Variants in CCDC117 observed in about 807,000 individuals in gnomAD.
CCDC117 encodes the protein coiled-coil domain containing 117, also known as coiled-coil domain-containing protein 117.
A neutral mutation model predicts 23.5 loss-of-function variants in CCDC117; 1 was observed. The observed-to-expected ratio is 0.04, with a 90% CI of 0.02 to 0.20. The LOEUF (loss-of-function observed/expected upper bound fraction) is 0.20, where lower values mean the gene tolerates loss of function less well. Ranked by LOEUF, CCDC117 falls within the 10% of genes least tolerant of loss-of-function variation. CCDC117 has a pLI of 1.00. For missense variants in CCDC117, 383 were observed against 348.2 expected, an observed-to-expected ratio of 1.10 and a Z score of -0.80; for synonymous variants, 132 against 124.8, an observed-to-expected ratio of 1.06 and a Z score of -0.39.
rs945644354 is a variant in CCDC117, at chr22:28,772,734, G to A, written c.-116G>A. ...GGAGGGTTCTAGAAGGCGTGACGTG[G>A]GGTCGAGAGCGGGATCCGAGGCTGG... On this transcript the variant is annotated 5_prime_UTR_variant, in exon 1 of 5. Transcript: ENST00000249064. The A allele has an allele frequency of 2.9e-5, 23 of 798,482 alleles. No homozygotes were observed. The highest frequency in any genetic ancestry group is 1.1e-4 in the East Asian group (3 of 26,944). The allele number at this position is 798,482 out of a possible 1,614,324, so 49.5% of individuals were successfully genotyped here. A position where few individuals can be genotyped will look rare whatever the true frequency, so the allele number is the denominator to read the frequency against.
In CCDC117 at chr22:28,787,946, C is replaced by T. The variant is rs1369846105; in HGVS notation, c.*1620C>T. The T allele has an allele frequency of 2.0e-5, 3 of 152,600 alleles. No individual in the cohort carries two copies. The East Asian group carries it at 5.8e-4, about 29-fold the overall frequency. The allele number at this position is 152,600 out of a possible 1,614,324, so 9.5% of individuals were successfully genotyped here. A position where few individuals can be genotyped will look rare whatever the true frequency, so the allele number is the denominator to read the frequency against. On this transcript the variant is annotated 3_prime_UTR_variant, in exon 5 of 5. Transcript: ENST00000249064. The stretch of plus-strand genomic sequence containing the variant: ...CTTCTAGGCGTTTTTGGAACCCTTA[C>T]TGAAATCCCTCCCCTTGTTACAGAT...
chr22:28,785,408 A>G (rs1299008441), intron 4 of CCDC117, among the ~76,000 whole-genome samples: 1 of 151,522 alleles, frequency 6.6e-6, no homozygotes, highest in Non-Finnish European at 1.5e-5. Flanking sequence ...GGCTGGTTGC[A>G]AACTCCTGGG....
intron 4 of CCDC117, among the ~76,000 whole-genome samples, chr22:28,784,864 G>A (rs1197471387): frequency 2.0e-5 from 3 of 152,016 alleles, no homozygotes; most frequent in East Asian, 1.9e-4. Flanking sequence ...TCCGCCTCCC[G>A]GGTTCACGCC....
rs67314143 is a variant in CCDC117 at position 28,774,070 on chromosome 22, G to GTT, written c.239+306_239+307dup. Among the ~76,000 whole-genome samples, 339 of 126,084 alleles carry GTT rather than the reference G, an allele frequency of 2.7e-3. 2 individuals carry two copies. Among genetic ancestry groups the GTT allele is most frequent in the East Asian group, 9.5e-3 (42 of 4,410 alleles). The allele number at this position is 126,084 out of a possible 152,430, so 82.7% of individuals were successfully genotyped here. On this transcript the variant is annotated intron_variant, in intron 2 of 4. Transcript: ENST00000249064. ...ATACATATTGAAAAGTTTTGTTTTT[G>GTT]TTTTTTTTTTTTTTTGGGACGGAGT...
At position 28,781,130 on chromosome 22, in the gene CCDC117, A is replaced by C. The variant is rs1457123626; in HGVS notation, c.422A>C (p.Gln141Pro). 2.5e-6 allele frequency: 4 copies of C among 1,613,936 alleles called. No individual in the cohort carries two copies. In the South Asian group the frequency reaches 4.4e-5, roughly 18 times the overall value. ...EEMDQTTGEP[Q>P]CEVARRKLQE... is the part of the protein sequence containing the mutation. ...ATGGATCAGACAACTGGAGAACCAC[A>C]GTGTGAAGTTGCCCGAAGGAAGCTT... Residue 141 changes from glutamine to proline, a missense_variant, in exon 3 of 5, where the codon CAG becomes CCG. Transcript: ENST00000249064.
intron 2 of CCDC117, among the ~76,000 whole-genome samples, chr22:28,779,117 G>A (rs927234700): frequency 2.0e-5 from 3 of 152,024 alleles, no homozygotes; most frequent in Non-Finnish European, 2.9e-5. Flanking sequence ...CACACACCAC[G>A]ACACTCGCCT....
intron 3 of CCDC117, among the ~76,000 whole-genome samples, chr22:28,782,685 C>T (rs943055850): frequency 6.6e-6 from 1 of 152,162 alleles, no homozygotes; most frequent in Non-Finnish European, 1.5e-5. Flanking sequence ...GGTCCGCCTG[C>T]CTCTGCCTCC....
At chr22:28,777,132 G>A (rs1224591806) in intron 2 of CCDC117, among the ~76,000 whole-genome samples, 1 of 146,442 alleles carries the variant, frequency 6.8e-6, no homozygotes, top group Non-Finnish European at 1.5e-5. Context: ...TCTGCCTCCC[G>A]TGTTCAAGTG....
intron 2 of CCDC117, among the ~76,000 whole-genome samples, chr22:28,776,968 C>A (rs1272719875): frequency 6.6e-6 from 1 of 151,868 alleles, no homozygotes; most frequent in African/African-American, 2.4e-5. Context: ...AATCTGCCCG[C>A]CTTGGCCTTC....
Position 28,786,196 on chromosome 22 carries a change from C to G in CCDC117, c.710C>G (p.Ala237Gly). 1 of 1,614,098 alleles carries G rather than the reference C, an allele frequency of 6.2e-7. No individual in the cohort carries two copies. The highest frequency in any genetic ancestry group is 1.1e-5 in the South Asian group (1 of 91,082). The change falls in exon 5 of 5, where the codon GCT becomes GGT. Residue 237 changes from alanine to glycine, a missense_variant. Ala to Gly is a moderately conservative substitution (Grantham distance 60). Transcript: ENST00000249064. ...NTKNYTGESQ[A>G]KHVAAGTAFP... is the part of the protein sequence containing the mutation. ...AAGAACTATACAGGAGAGAGCCAAG[C>G]TAAGCATGTAGCTGCTGGCACTGCC...
chr22:28,780,989 G>C lies in CCDC117; in HGVS notation c.281G>C (p.Cys94Ser). The change falls in exon 3 of 5, where the codon TGT (cysteine) becomes TCT (serine). Residue 94 changes from cysteine (C) to serine (S), a missense_variant. By Grantham distance (112) the Cys-to-Ser change is moderately radical (BLOSUM62 -1). Coordinates refer to ENST00000249064, the MANE Select transcript of CCDC117 (RefSeq NM_173510.4). ...RKKRITEAEL[C>S]AGPNDWILCA... ...AAAAGGATAACTGAAGCAGAGCTCTGTGCTGGTCCTAATGACTGGATTCTT... is the reference window on the plus strand; with the variant it reads ...AAAAGGATAACTGAAGCAGAGCTCTCTGCTGGTCCTAATGACTGGATTCTT... The C allele has an allele frequency of 6.2e-7, 1 of 1,614,052 alleles. No individual in the cohort carries two copies. Among genetic ancestry groups the C allele is most frequent in the African/African-American group, 1.3e-5 (1 of 75,008 alleles).
At chr22:28,778,463 C>T (rs1016059993) in intron 2 of CCDC117, among the ~76,000 whole-genome samples, 1 of 151,978 alleles carries the variant, frequency 6.6e-6, no homozygotes, top group Non-Finnish European at 1.5e-5. Flanking sequence ...CAAAAGTCAG[C>T]CGGGCGTGGT....
rs2031504917 is a variant in CCDC117 at position 28,786,230 on chromosome 22, G to A, written c.744G>A (p.Gln248=). Reference sequence around the variant, plus strand: ...TAGCTGCTGGCACTGCCTTCCCTCAGAGAACTGAACTGTTTTCGGAACCTC... The same window carrying A: ...TAGCTGCTGGCACTGCCTTCCCTCAAAGAACTGAACTGTTTTCGGAACCTC... ...KHVAAGTAFP[Q]RTELFSEPRP... Residue 248 remains glutamine, a synonymous_variant, in exon 5 of 5, where the codon CAG becomes CAA. Transcript: ENST00000249064. 6.2e-7 allele frequency: 1 copy of A among 1,614,126 alleles called. No individual in the cohort carries two copies. The highest frequency in any genetic ancestry group is 8.5e-7 in the Non-Finnish European group (1 of 1,180,016).
At chr22:28,783,370 C>G (rs1241607916) in intron 3 of CCDC117, 138 bp from the exon 4 acceptor site, 2 of 742,364 alleles carry the variant, frequency 2.7e-6, no homozygotes, top group Non-Finnish European at 4.2e-6. Context: ...CAGGTATAGC[C>G]TCATTTTTTG....
chr22:28,774,938 A>G (rs1351982144), intron 2 of CCDC117, among the ~76,000 whole-genome samples: 3 of 152,168 alleles, frequency 2.0e-5, no homozygotes, highest in Non-Finnish European at 2.9e-5. Context: ...ATATCAGCAC[A>G]TAGAGAGAGG....
In CCDC117 at chr22:28,778,374, G is replaced by A. The variant is rs889910946; in HGVS notation, c.240-2574G>A. On this transcript the variant is annotated intron_variant, in intron 2 of 4. Transcript: ENST00000249064. ...TGTAATCCTAGCACTTTGGGAGGCC[G>A]AGGCAGGCAGATCACCTCAGATCAG... Among the ~76,000 whole-genome samples the A allele has an allele frequency of 2.0e-5, 3 of 152,028 alleles. 1 individual carries two copies. Among genetic ancestry groups the A allele is most frequent in the Admixed American group, 2.0e-4 (3 of 15,250 alleles).
intron 3 of CCDC117, 132 bp downstream of exon 3, chr22:28,781,304 C>A (rs1442294323): frequency 1.5e-5 from 6 of 411,954 alleles, no homozygotes; most frequent in Non-Finnish European, 2.4e-5. Context: ...TCAGATAATT[C>A]AAAGTGTATT....
At position 28,787,958 on chromosome 22, in the gene CCDC117, C is replaced by T. The variant is rs2031567325; in HGVS notation, c.*1632C>T. The T allele has an allele frequency of 6.6e-6, 1 of 152,592 alleles. No individual in the cohort carries two copies. The highest frequency in any genetic ancestry group is 1.5e-5 in the Non-Finnish European group (1 of 68,038). 9.5% of individuals were successfully genotyped at this position (152,592 alleles called of 1,614,324 possible). A position where few individuals can be genotyped will look rare whatever the true frequency, so the allele number is the denominator to read the frequency against. On this transcript the variant is annotated 3_prime_UTR_variant, in exon 5 of 5. Coordinates refer to ENST00000249064, the MANE Select transcript of CCDC117 (RefSeq NM_173510.4). ...TTTGGAACCCTTACTGAAATCCCTCCCCTTGTTACAGATGGCGTAGAAGTC... is the reference window on the plus strand; with the variant it reads ...TTTGGAACCCTTACTGAAATCCCTCTCCTTGTTACAGATGGCGTAGAAGTC...
chr22:28,774,206 T>G (rs1406587358), intron 2 of CCDC117, among the ~76,000 whole-genome samples: 3 of 150,864 alleles, frequency 2.0e-5, no homozygotes, highest in African/African-American at 7.3e-5. Flanking sequence ...TAGCTGGGAC[T>G]ACAGGCGCCC....
Sources: gnomAD v4.1 joint callset for allele counts (sites outside exome capture counted in the v4.1 genomes callset) on GRCh38, gnomAD v4.1.1 for gene constraint, MANE v1.5 for transcripts, NCBI Gene and HGNC (gene_info 2026-07-23, HGNC 2026-07-21) for gene names.